Variants in AGMO observed in about 807,000 individuals in gnomAD.
AGMO encodes alkylglycerol monooxygenase.
AGMO carries 75 observed loss-of-function variants against 60.2 expected under a neutral mutation model. The ratio of observed to expected loss-of-function variants is 1.25; its 90% CI spans 1.03 to 1.51. AGMO has a LOEUF of 1.51. Among genes scored for constraint, AGMO ranks in the 40% most tolerant of loss-of-function variants. The probability of loss-of-function intolerance (pLI) is 0.00; values close to 1 mark genes in which losing one functional copy is unlikely to be tolerated. For missense variants in AGMO, 763 were observed against 525.5 expected, an observed-to-expected ratio of 1.45 and a Z score of -4.42; for synonymous variants, 261 against 177.1, an observed-to-expected ratio of 1.47 and a Z score of -3.76.
At chr7:15,529,502 C>CT (rs1280438269) in intron 3 of AGMO, among the ~76,000 whole-genome samples, 1 of 129,860 alleles carries the variant, frequency 7.7e-6, no homozygotes, top group Non-Finnish European at 1.6e-5. Context: ...GATTCTAGTT[C>CT]TTAGACTAGA....
At chr7:15,483,616 C>A (rs763126280) in intron 3 of AGMO, among the ~76,000 whole-genome samples, 2 of 151,906 alleles carry the variant, frequency 1.3e-5, no homozygotes, top group Non-Finnish European at 2.9e-5. Flanking sequence ...CATAAAATTT[C>A]TAGGACTAAA....
intron 3 of AGMO, among the ~76,000 whole-genome samples, chr7:15,510,804 T>A (rs1035325085): frequency 2.1e-5 from 1 of 47,518 alleles, no homozygotes; most frequent in Non-Finnish European, 4.0e-5. Context: ...AAATTATGCA[T>A]AAGGAAACAT....
chr7:15,395,946 T>C (rs1490435854), intron 5 of AGMO: 2 of 152,168 alleles, frequency 1.3e-5, no homozygotes, highest in East Asian at 3.9e-4. Context: ...CCTCTTGAAA[T>C]GGAAGCTGTG....
At chr7:15,467,630 T>C (rs1013822236) in intron 3 of AGMO, among the ~76,000 whole-genome samples, 1 of 152,180 alleles carries the variant, frequency 6.6e-6, no homozygotes, top group Admixed American at 6.5e-5. Flanking sequence ...TCTATAATGG[T>C]TCTTCCAGAC....
intron 4 of AGMO, among the ~76,000 whole-genome samples, chr7:15,425,178 T>C (rs1208086809): frequency 6.6e-6 from 1 of 152,164 alleles, no homozygotes; most frequent in East Asian, 1.9e-4. Context: ...TCACTGAGAC[T>C]CAAACATTAA....
chr7:15,536,935 G>C (rs115385037), intron 3 of AGMO, among the ~76,000 whole-genome samples: 2,201 of 151,882 alleles, frequency 0.014, 58 homozygotes, highest in African/African-American at 0.05. Flanking sequence ...GTCTAAAATG[G>C]CTGTATTCAA....
the AGMO span, among the ~76,000 whole-genome samples, chr7:15,132,014 G>T: frequency 6.6e-6 from 1 of 152,012 alleles, no homozygotes; most frequent in South Asian, 2.1e-4. Flanking sequence ...TCAGAAAGCG[G>T]GGAATTAGAA....
intron 12 of AGMO, among the ~76,000 whole-genome samples, chr7:15,316,622 AC>A (rs1780933230): frequency 6.6e-6 from 1 of 152,068 alleles, no homozygotes; most frequent in African/African-American, 2.4e-5. Flanking sequence ...ACACACACAC[AC>A]ACAAGTTCAT....
At chr7:15,130,123 T>A in the AGMO span, among the ~76,000 whole-genome samples, 1 of 152,106 alleles carries the variant, frequency 6.6e-6, no homozygotes, top group South Asian at 2.1e-4. Flanking sequence ...GAAATATAGT[T>A]TTATTTTATT....
intron 12 of AGMO, among the ~76,000 whole-genome samples, chr7:15,209,973 AAGGTGTGAGCCTGTATC>A: frequency 6.6e-6 from 1 of 152,284 alleles, no homozygotes; most frequent in East Asian, 1.9e-4. Context: ...GCTATGAAAA[AAGGTGTGAGCCTGTATC>A]AACACCTCAC....
chr7:15,389,337 A>G (rs1190254346), intron 8 of AGMO, among the ~76,000 whole-genome samples: 1 of 152,198 alleles, frequency 6.6e-6, no homozygotes, highest in African/African-American at 2.4e-5. Context: ...ATAAGGAGAC[A>G]ACTCCTATAT....
the AGMO span, among the ~76,000 whole-genome samples, chr7:15,167,329 T>C: frequency 6.6e-6 from 1 of 152,186 alleles, no homozygotes; most frequent in East Asian, 1.9e-4. Flanking sequence ...AAGCTAGTTA[T>C]TTAATATCTC....
At chr7:15,491,904 G>A (rs1783075795) in intron 3 of AGMO, among the ~76,000 whole-genome samples, 1 of 152,126 alleles carries the variant, frequency 6.6e-6, no homozygotes. Flanking sequence ...CTTTCAACTG[G>A]TTGGGAGAAG....
At chr7:15,345,197 G>T (rs1408245620) in intron 12 of AGMO, among the ~76,000 whole-genome samples, 1 of 152,104 alleles carries the variant, frequency 6.6e-6, no homozygotes, top group Non-Finnish European at 1.5e-5. Context: ...CCAAGCTCAA[G>T]TGCACTGTAT....
At chr7:15,426,462 A>G (rs1038499260) in intron 4 of AGMO, among the ~76,000 whole-genome samples, 1 of 152,108 alleles carries the variant, frequency 6.6e-6, no homozygotes, top group African/African-American at 2.4e-5. Flanking sequence ...AAAAACCAAA[A>G]TCTTCCCCAG....
At chr7:15,440,781 A>G (rs925921866) in intron 3 of AGMO, among the ~76,000 whole-genome samples, 7 of 152,224 alleles carry the variant, frequency 4.6e-5, no homozygotes, top group African/African-American at 1.7e-4. Context: ...AACCAATAAA[A>G]AATGTGTAAT....
chr7:15,402,470 A>G (rs1011527399), intron 5 of AGMO, among the ~76,000 whole-genome samples: 1 of 151,606 alleles, frequency 6.6e-6, no homozygotes, highest in Non-Finnish European at 1.5e-5. Flanking sequence ...TTATCTAAAA[A>G]GTGTGCAGTA....
chr7:15,390,706 G>C lies in AGMO; in HGVS notation c.787C>G (p.His263Asp). The change falls in exon 8 of 13, where the codon CAT (histidine) becomes GAT (aspartate). Residue 263 changes from histidine to aspartate, a missense_variant. His to Asp is a moderately conservative substitution (Grantham distance 81). Coordinates refer to ENST00000342526, the MANE Select transcript of AGMO (RefSeq NM_001004320.2). ...ENEKVVYGLTHPINTFEPIKV... is the reference protein window; with the variant it reads ...ENEKVVYGLTDPINTFEPIKV... ...ATTGGTTCAAATGTATTAATGGGAT[G>C]TGTTAAGCCATATACAACTTTTTCA... 6.2e-7 allele frequency: 1 copy of C among 1,610,888 alleles called. No individual in the cohort carries two copies. The highest frequency in any genetic ancestry group is 8.5e-7 in the Non-Finnish European group (1 of 1,177,896).
chr7:15,334,284 A>G (rs569719348), intron 12 of AGMO, among the ~76,000 whole-genome samples: 1 of 146,998 alleles, frequency 6.8e-6, no homozygotes, highest in East Asian at 2.0e-4. Context: ...AAAATTATCA[A>G]AAAAGTGTTA....
Sources: allele counts gnomAD v4.1 joint callset (sites outside exome capture counted in the v4.1 genomes callset), GRCh38; gene constraint gnomAD v4.1.1; transcripts MANE v1.5; gene names NCBI Gene and HGNC (gene_info 2026-07-23, HGNC 2026-07-21).